Variants in CPA4 observed in about 807,000 individuals in gnomAD.
The protein encoded by CPA4 is carboxypeptidase A3.
In CPA4, 49 loss-of-function variants were observed where a neutral mutation model predicts 54.7. The observed-to-expected ratio is 0.90, with a 90% CI of 0.71 to 1.14. The LOEUF (loss-of-function observed/expected upper bound fraction) is 1.14. Ranked by LOEUF, CPA4 falls within the 50% of genes most tolerant of loss-of-function variation. CPA4 has a pLI of 0.00. For synonymous variants in CPA4, 215 were observed against 206.8 expected (o/e 1.04, Z -0.34); for missense variants, 487 against 525.1 (o/e 0.93, Z 0.71).
In CPA4 at chr7:130,310,911, C is replaced by A. The variant is rs543013462; in HGVS notation, c.918C>A (p.Asp306Glu). The A allele has an allele frequency of 3.1e-6, 5 of 1,614,168 alleles. No individual in the cohort carries two copies. The highest frequency in any genetic ancestry group is 4.2e-6 in the Non-Finnish European group (5 of 1,180,014). The change falls in exon 9 of 11, where the codon GAC becomes GAA. Residue 306 changes from aspartate to glutamate, a missense_variant. Coordinates refer to ENST00000222482, the MANE Select transcript of CPA4 (RefSeq NM_016352.4). The surrounding 1 kb of genome is among the most constrained non-coding windows in gnomAD (Gnocchi z 4.3). Reference sequence around the variant, plus strand: ...ATGGGAATTTCAAGGGCTTCATCGACCTGCACAGCTACTCGCAGCTGCTGA... The same window carrying A: ...ATGGGAATTTCAAGGGCTTCATCGAACTGCACAGCTACTCGCAGCTGCTGA... ...QKHGNFKGFI[D>E]LHSYSQLLMY...
At chr7:130,315,182 T>C (rs1282179898) in intron 10 of CPA4, among the ~76,000 whole-genome samples, 3 of 151,926 alleles carry the variant, frequency 2.0e-5, no homozygotes, top group Non-Finnish European at 4.4e-5. Flanking sequence ...TTACGGGTTG[T>C]GGCAGGCATT....
chr7:130,304,830 T>C (rs1275476196), intron 5 of CPA4, among the ~76,000 whole-genome samples: 2 of 152,202 alleles, frequency 1.3e-5, no homozygotes, highest in Non-Finnish European at 2.9e-5. Context: ...GTGATTAGTA[T>C]TCCAGAAAGC....
rs1794132716 is a variant in CPA4 at position 130,322,640 on chromosome 7, G to T, written c.1230G>T (p.Lys410Asn). 6.2e-7 allele frequency: 1 copy of T among 1,614,006 alleles called. No homozygotes were observed. Among genetic ancestry groups the T allele is most frequent in the Non-Finnish European group, 8.5e-7 (1 of 1,180,004 alleles). ...CAGAGGAGACGTGGCTGGGGCTGAA[G>T]ACCATCATGGAGCATGTGCGGGACA... ...PTAEETWLGL[K>N]TIMEHVRDNL... Residue 410 changes from lysine (K) to asparagine (N), a missense_variant, in exon 11 of 11, where the codon AAG becomes AAT. Lys to Asn is a moderately conservative substitution (Grantham distance 94, BLOSUM62 0). Transcript: ENST00000222482.
At chr7:130,308,000 G>C (rs911906283) in intron 7 of CPA4, 1 of 379,880 alleles carries the variant, frequency 2.6e-6, no homozygotes, top group African/African-American at 2.0e-5. Context: ...GAGGCATATA[G>C]TGTCCATTTG....
chr7:130,299,967 G>A (rs924662804), intron 3 of CPA4, among the ~76,000 whole-genome samples: 1 of 152,152 alleles, frequency 6.6e-6, no homozygotes, highest in Non-Finnish European at 1.5e-5. Context: ...CCGTCCTCTG[G>A]CCTCACGACC....
intron 3 of CPA4, 160 bp downstream of exon 3, chr7:130,299,564 A>C (rs1793707663): frequency 1.6e-6 from 1 of 640,370 alleles, no homozygotes; most frequent in Non-Finnish European, 2.7e-6. Flanking sequence ...TTGTTAGAGG[A>C]ACAACATTTT....
chr7:130,301,420 G>A (rs1793736812), intron 4 of CPA4, among the ~76,000 whole-genome samples: 1 of 152,166 alleles, frequency 6.6e-6, no homozygotes, highest in African/African-American at 2.4e-5. Context: ...TGACTTTCAA[G>A]GTAAGCCAAA....
intron 10 of CPA4, among the ~76,000 whole-genome samples, chr7:130,320,306 A>G (rs951737314): frequency 5.9e-5 from 9 of 152,306 alleles, no homozygotes; most frequent in African/African-American, 2.2e-4. Context: ...TTCAGCAGGG[A>G]CCCAAATAAA....
At chr7:130,309,425 TG>T (rs1793878158) in intron 8 of CPA4, among the ~76,000 whole-genome samples, 2 of 152,234 alleles carry the variant, frequency 1.3e-5, no homozygotes, top group South Asian at 4.2e-4. Context: ...GACTGTGCTG[TG>T]AAAATTCCAC....
At chr7:130,301,051 C>A (rs1270221663) in intron 4 of CPA4, 137 bp downstream of exon 4, 15 of 629,192 alleles carry the variant, frequency 2.4e-5, no homozygotes, top group Non-Finnish European at 4.0e-5. Flanking sequence ...CACTTCAATT[C>A]CTTTCTAATT....
chr7:130,294,070 A>G (rs1477094077), intron 1 of CPA4, among the ~76,000 whole-genome samples: 1 of 152,156 alleles, frequency 6.6e-6, no homozygotes, highest in Non-Finnish European at 1.5e-5. Context: ...AAGAGCTTTC[A>G]TGTACATTAT....
intron 1 of CPA4, among the ~76,000 whole-genome samples, chr7:130,294,227 C>T (rs1162625518): frequency 6.6e-6 from 1 of 152,164 alleles, no homozygotes; most frequent in Admixed American, 6.5e-5. Context: ...ACGTAAAACT[C>T]GTACCCTTTT....
chr7:130,301,003 C>T, intron 4 of CPA4, 89 bp downstream of exon 4: 1 of 807,384 alleles, frequency 1.2e-6, no homozygotes, highest in African/African-American at 1.7e-5. Context: ...CATTAGTCTT[C>T]AGCACAATAT....
chr7:130,314,345 A>T (rs1430030376), intron 10 of CPA4, among the ~76,000 whole-genome samples: 1 of 152,098 alleles, frequency 6.6e-6, no homozygotes, highest in Non-Finnish European at 1.5e-5. Flanking sequence ...TGTTGTAGGG[A>T]GTCGTAATAG....
Position 130,322,639 on chromosome 7 carries a change from A to G in CPA4, c.1229A>G (p.Lys410Arg). The change falls in exon 11 of 11, where the codon AAG (lysine) becomes AGG (arginine). Residue 410 changes from lysine (K) to arginine (R), a missense_variant. Physicochemically the swap from Lys to Arg is conservative, Grantham distance 26. Transcript: ENST00000222482. ...PTAEETWLGL[K>R]TIMEHVRDNL... ...GCAGAGGAGACGTGGCTGGGGCTGAAGACCATCATGGAGCATGTGCGGGAC... is the reference window on the plus strand; with the variant it reads ...GCAGAGGAGACGTGGCTGGGGCTGAGGACCATCATGGAGCATGTGCGGGAC... 1 of 1,614,146 alleles carries G rather than the reference A, an allele frequency of 6.2e-7. No homozygotes were observed. Among genetic ancestry groups the G allele is most frequent in the Non-Finnish European group, 8.5e-7 (1 of 1,180,002 alleles).
chr7:130,314,824 G>A (rs982386259), intron 10 of CPA4, among the ~76,000 whole-genome samples: 1 of 152,162 alleles, frequency 6.6e-6, no homozygotes, highest in Admixed American at 6.5e-5. Flanking sequence ...CTGTAATGCG[G>A]TTGGTTAGGA....
intron 9 of CPA4, among the ~76,000 whole-genome samples, chr7:130,311,331 G>C (rs1793909731): frequency 6.6e-6 from 1 of 152,196 alleles, no homozygotes; most frequent in Non-Finnish European, 1.5e-5. Flanking sequence ...TCTAGTGAAA[G>C]AAGAGTTTAA....
At chr7:130,312,616 T>C (rs879875000) in intron 10 of CPA4, among the ~76,000 whole-genome samples, 2 of 152,082 alleles carry the variant, frequency 1.3e-5, no homozygotes, top group Non-Finnish European at 2.9e-5. Flanking sequence ...TGATGGTTAT[T>C]ATAAGGAGGA....
Position 130,310,623 on chromosome 7 carries a change from A to G in CPA4, c.794-164A>G, listed in dbSNP as rs1215574034. Among the ~76,000 whole-genome samples the G allele has an allele frequency of 1.3e-5, 2 of 152,054 alleles. No homozygotes were observed. Among genetic ancestry groups the G allele is most frequent in the Admixed American group, 1.3e-4 (2 of 15,266 alleles). ...CCCAACACCCAACCCTCCCTCTTCC[A>G]TGCCTTCTCTGCAGTCCACACCCAC... On this transcript the variant is annotated intron_variant, in intron 8 of 10. Transcript: ENST00000222482. The surrounding 1 kb of genome is among the most constrained non-coding windows in gnomAD (Gnocchi z 4.3).
Sources: allele counts gnomAD v4.1 joint callset (sites outside exome capture counted in the v4.1 genomes callset), GRCh38; gene constraint gnomAD v4.1.1; non-coding constraint Gnocchi (gnomAD v3.1); transcripts MANE v1.5; gene names NCBI Gene and HGNC (gene_info 2026-07-23, HGNC 2026-07-21).